Variants in GLIS3 observed in about 807,000 individuals in gnomAD.
The protein encoded by GLIS3 is zinc finger protein GLIS3.
Under a neutral mutation model 78.6 loss-of-function variants are expected in GLIS3, and 53 were observed. That is an observed-to-expected ratio of 0.67 (90% CI 0.54 to 0.85). The LOEUF is 0.85. GLIS3 is among the 40% of genes least tolerant of loss of function. The pLI, the probability that GLIS3 is intolerant of heterozygous loss-of-function variation, is 0.00. For synonymous variants in GLIS3, 684 were observed against 509.9 expected, an observed-to-expected ratio of 1.34 and a Z score of -4.60; for missense variants, 1,703 against 1,231.1, an observed-to-expected ratio of 1.38 and a Z score of -5.74.
intron 2 of GLIS3, among the ~76,000 whole-genome samples, chr9:4,211,793 G>T (rs553206232): frequency 1.3e-5 from 2 of 152,282 alleles, no homozygotes; most frequent in East Asian, 1.9e-4. Flanking sequence ...GATGAATGGA[G>T]AAGTAAAATG....
chr9:3,846,279 A>C (rs961408857), intron 9 of GLIS3, among the ~76,000 whole-genome samples: 3 of 152,204 alleles, frequency 2.0e-5, no homozygotes, highest in South Asian at 2.1e-4. Flanking sequence ...GCACCACCAC[A>C]AAGTATGATT....
At chr9:4,018,234 C>A (rs567371330) in intron 4 of GLIS3, among the ~76,000 whole-genome samples, 7 of 152,280 alleles carry the variant, frequency 4.6e-5, no homozygotes, top group African/African-American at 1.7e-4. Context: ...AGGAGGAGAA[C>A]TGAATATAAA....
intron 2 of GLIS3, among the ~76,000 whole-genome samples, chr9:4,212,225 C>G (rs1238769241): frequency 1.3e-5 from 2 of 152,220 alleles, no homozygotes; most frequent in Non-Finnish European, 2.9e-5. Context: ...CTGCTTTCTT[C>G]AAGGACTGAC....
chr9:4,445,105 G>C, the GLIS3 span, among the ~76,000 whole-genome samples: 10 of 152,096 alleles, frequency 6.6e-5, no homozygotes, highest in Admixed American at 1.3e-4. Flanking sequence ...ATTCAAGCAC[G>C]GCACAGTGGT....
intron 6 of GLIS3, among the ~76,000 whole-genome samples, chr9:3,901,564 T>C (rs532869771): frequency 3.5e-4 from 53 of 152,260 alleles, no homozygotes; most frequent in African/African-American, 9.1e-4. Context: ...AACACACACA[T>C]ACAACAGTAA....
the GLIS3 span, among the ~76,000 whole-genome samples, chr9:4,461,110 C>G: frequency 2.0e-5 from 3 of 152,292 alleles, no homozygotes; most frequent in Admixed American, 1.3e-4. Flanking sequence ...ATATGTCACT[C>G]TTTTTCTGTG....
intron 7 of GLIS3, among the ~76,000 whole-genome samples, chr9:3,890,702 C>T (rs143578634): frequency 2.0e-5 from 3 of 152,178 alleles, no homozygotes; most frequent in South Asian, 2.1e-4. Flanking sequence ...TTTAGCTCCA[C>T]GTTCTTTCTG....
chr9:4,182,255 T>C (rs1016950390), intron 2 of GLIS3, among the ~76,000 whole-genome samples: 3 of 152,134 alleles, frequency 2.0e-5, no homozygotes, highest in Non-Finnish European at 4.4e-5. Context: ...GTGTAAAAAA[T>C]TTTTTTGGAA....
chr9:4,262,228 T>C (rs545926060), intron 2 of GLIS3, among the ~76,000 whole-genome samples: 8 of 152,238 alleles, frequency 5.3e-5, no homozygotes, highest in African/African-American at 1.9e-4. Flanking sequence ...GAGGTGTCAC[T>C]AGCCATTTCT....
chr9:3,870,596 G>A (rs915839994), intron 8 of GLIS3, among the ~76,000 whole-genome samples: 3 of 152,204 alleles, frequency 2.0e-5, no homozygotes, highest in African/African-American at 7.2e-5. Context: ...AAGGCAAAGA[G>A]AATGAGGAGG....
intron 2 of GLIS3, among the ~76,000 whole-genome samples, chr9:4,146,302 T>C (rs1485900561): frequency 6.6e-6 from 1 of 152,232 alleles, no homozygotes; most frequent in Admixed American, 6.5e-5. Flanking sequence ...ATATCTACTA[T>C]AGTTCTAGAT....
intron 4 of GLIS3, among the ~76,000 whole-genome samples, chr9:4,101,483 A>G (rs895282849): frequency 3.3e-5 from 5 of 152,192 alleles, no homozygotes; most frequent in Admixed American, 2.6e-4. Context: ...GTCAGTGTCT[A>G]TTATTGCTAC....
chr9:3,861,042 G>A (rs1820180898), intron 8 of GLIS3, among the ~76,000 whole-genome samples: 1 of 152,124 alleles, frequency 6.6e-6, no homozygotes, highest in Non-Finnish European at 1.5e-5. Context: ...GAGAAGTCAG[G>A]AATATCAAAG....
upstream of GLIS3, among the ~76,000 whole-genome samples, chr9:4,300,731 C>T (rs961157262): frequency 6.6e-6 from 1 of 151,740 alleles, no homozygotes; most frequent in African/African-American, 2.4e-5. Flanking sequence ...GACTCGCCAC[C>T]GCTTCTGCTT....
rs532167629 is a variant in GLIS3, at chr9:4,159,888, G to A, written c.389-33947C>T. On this transcript the variant is annotated intron_variant, in intron 2 of 10. Coordinates refer to ENST00000381971, the MANE Select transcript of GLIS3 (RefSeq NM_001042413.2). ...CCAATAGGGTTTCCAAAGTAACTCA[G>A]AAGAGCTCAGACTCATGTCCTCAGA... Among the ~76,000 whole-genome samples the A allele has an allele frequency of 3.3e-5, 5 of 152,294 alleles. No homozygotes were observed. In the South Asian group the frequency reaches 6.2e-4, roughly 19 times the overall value.
At position 3,981,228 on chromosome 9, in the gene GLIS3, ACTTTAGGT is replaced by A. The variant is rs555427231; in HGVS notation, c.1711-44047_1711-44040del. Among the ~76,000 whole-genome samples the A allele has an allele frequency of 3.2e-4, 48 of 152,320 alleles. No individual in the cohort carries two copies. The South Asian group carries it at 9.7e-3, about 31-fold the overall frequency. On this transcript the variant is annotated intron_variant, in intron 4 of 10. Transcript: ENST00000381971. ...TGAATTTTGTATTAAAGGAGACAGGACTTTAGGTCTTTTCACTTCAACCAGGTACTGCC... is the reference window on the plus strand; with the variant it reads ...TGAATTTTGTATTAAAGGAGACAGGACTTTTCACTTCAACCAGGTACTGCC...
At chr9:4,172,369 G>C (rs897846266) in intron 2 of GLIS3, among the ~76,000 whole-genome samples, 1 of 152,094 alleles carries the variant, frequency 6.6e-6, no homozygotes, top group Non-Finnish European at 1.5e-5. Flanking sequence ...GAAGTCACTA[G>C]GTCTCCATAC....
chr9:4,369,335 A>G, the GLIS3 span, among the ~76,000 whole-genome samples: 496 of 152,330 alleles, frequency 3.3e-3, 8 homozygotes, highest in Admixed American at 0.028. Flanking sequence ...ACATGGAATA[A>G]AAATATTTAA....
At chr9:4,129,123 C>A (rs1178183122) in intron 2 of GLIS3, among the ~76,000 whole-genome samples, 1 of 152,208 alleles carries the variant, frequency 6.6e-6, no homozygotes, top group Admixed American at 6.5e-5. Context: ...CCACTGTGCT[C>A]AATACAGCCA....
Sources: allele counts gnomAD v4.1 joint callset (sites outside exome capture counted in the v4.1 genomes callset), GRCh38; gene constraint gnomAD v4.1.1; transcripts MANE v1.5; gene names NCBI Gene and HGNC (gene_info 2026-07-23, HGNC 2026-07-21).